Variants in GNB5 observed in about 807,000 individuals in gnomAD.
GNB5 encodes the protein guanine nucleotide-binding protein subunit beta-5.
GNB5 carries 37 observed loss-of-function variants against 55.3 expected under a neutral mutation model. That is an observed-to-expected ratio of 0.67 (90% confidence interval 0.51 to 0.88). The LOEUF is 0.88. GNB5 is among the 40% of genes least tolerant of loss of function. The pLI, the probability that GNB5 is intolerant of heterozygous loss-of-function variation, is 0.00. For synonymous variants in GNB5, 219 were observed against 198.5 expected, an observed-to-expected ratio of 1.10 and a Z score of -0.87; for missense variants, 476 against 515.3, an observed-to-expected ratio of 0.92 and a Z score of 0.74.
chr15:52,164,153 CA>C (rs1356970835), intron 3 of GNB5, among the ~76,000 whole-genome samples: 1 of 151,246 alleles, frequency 6.6e-6, no homozygotes. Context: ...ACTAAAAATA[CA>C]AAAATTAGCT....
chr15:52,141,673 T>C (rs991377760), intron 6 of GNB5, among the ~76,000 whole-genome samples: 4 of 152,198 alleles, frequency 2.6e-5, no homozygotes, highest in Non-Finnish European at 5.9e-5. Context: ...ACTTAACATT[T>C]TGTCATATCT....
intron 12 of GNB5, among the ~76,000 whole-genome samples, chr15:52,124,025 A>AAAT (rs2033349941): frequency 6.6e-6 from 1 of 151,058 alleles, no homozygotes; most frequent in Non-Finnish European, 1.5e-5. Flanking sequence ...AAAAAAAAAA[A>AAAT]AAGGAAGAAA....
intron 3 of GNB5, among the ~76,000 whole-genome samples, chr15:52,169,598 GAAAGA>G (rs1232875709): frequency 2.5e-5 from 3 of 119,768 alleles, no homozygotes; most frequent in Non-Finnish European, 5.6e-5. Context: ...AAAAAGAAAA[GAAAGA>G]AAAGAAAAGA....
At chr15:52,126,471 G>C (rs558952444) in intron 10 of GNB5, among the ~76,000 whole-genome samples, 1 of 152,246 alleles carries the variant, frequency 6.6e-6, no homozygotes, top group South Asian at 2.1e-4. Flanking sequence ...TTTTATGTGT[G>C]TATCTGAATG....
rs1190284177 is a variant in GNB5 at position 52,128,545 on chromosome 15, A to T, written c.864-301T>A. 3 of 592,974 alleles carry T rather than the reference A, an allele frequency of 5.1e-6. No homozygotes were observed. The African/African-American group carries it at 5.5e-5, about 11-fold the overall frequency. The allele number at this position is 592,974 out of a possible 1,614,324, so 36.7% of individuals were successfully genotyped here. ...CTCAATCACATATCTAATTCCTAAG[A>T]CTTGGCCCAGAGCTCAGGGATAAGA... On this transcript the variant is annotated intron_variant, in intron 9 of 12. Transcript: ENST00000261837.
chr15:52,134,467 A>G (rs1056202093), intron 8 of GNB5, among the ~76,000 whole-genome samples: 1 of 152,224 alleles, frequency 6.6e-6, no homozygotes, highest in African/African-American at 2.4e-5. Flanking sequence ...AGGCCTTCAC[A>G]TCTTTAGAGG....
intron 2 of GNB5, 31 bp from the exon 3 acceptor site, chr15:52,179,910 C>G: frequency 1.3e-6 from 2 of 1,494,176 alleles, no homozygotes; most frequent in Non-Finnish European, 8.9e-7. Flanking sequence ...GAGAGGGAAG[C>G]GGAGAGCGGG....
chr15:52,165,023 C>T (rs941062269), intron 3 of GNB5, among the ~76,000 whole-genome samples: 1 of 152,190 alleles, frequency 6.6e-6, no homozygotes, highest in Non-Finnish European at 1.5e-5. Context: ...CATAAATGAC[C>T]TGATGGGGCT....
chr15:52,157,158 A>C (rs1034076782), intron 3 of GNB5, among the ~76,000 whole-genome samples: 6 of 151,806 alleles, frequency 4.0e-5, no homozygotes, highest in Non-Finnish European at 8.8e-5. Flanking sequence ...GGATGGTCTC[A>C]ATCTTCTGAC....
chr15:52,134,091 C>T (rs1274373859), intron 8 of GNB5, among the ~76,000 whole-genome samples: 1 of 152,228 alleles, frequency 6.6e-6, no homozygotes, highest in Non-Finnish European at 1.5e-5. Flanking sequence ...AGTCACCTCC[C>T]TGGGCGTCTG....
chr15:52,124,821 G>GAAC, intron 11 of GNB5, 182 bp from the exon 12 acceptor site: 1 of 578,862 alleles, frequency 1.7e-6, no homozygotes, highest in East Asian at 2.9e-5. Flanking sequence ...GGAGGATGTG[G>GAAC]GGCTGAAAGG....
intron 1 of GNB5, among the ~76,000 whole-genome samples, chr15:52,187,625 T>C (rs191818921): frequency 1.3e-5 from 2 of 152,292 alleles, no homozygotes; most frequent in African/African-American, 2.4e-5. Context: ...TTTCAAATTA[T>C]AAAAGATGCT....
chr15:52,157,959 G>T (rs1306571305), intron 3 of GNB5, among the ~76,000 whole-genome samples: 1 of 151,264 alleles, frequency 6.6e-6, no homozygotes, highest in Non-Finnish European at 1.5e-5. Context: ...TGTGAACTTG[G>T]TTCAGGACAC....
At chr15:52,160,672 C>T (rs1263756274) in intron 3 of GNB5, among the ~76,000 whole-genome samples, 1 of 152,204 alleles carries the variant, frequency 6.6e-6, no homozygotes, top group African/African-American at 2.4e-5. Context: ...CCATTCTTAT[C>T]ATTTGGTGTG....
At chr15:52,179,948 T>A in intron 2 of GNB5, 69 bp from the exon 3 acceptor site, 2 of 1,426,532 alleles carry the variant, frequency 1.4e-6, no homozygotes, top group Non-Finnish European at 1.8e-6. Context: ...CGGGCGCCGC[T>A]CCAGCAGCCG....
At chr15:52,131,169 T>C (rs2141188649) in intron 9 of GNB5, among the ~76,000 whole-genome samples, 1 of 152,316 alleles carries the variant, frequency 6.6e-6, no homozygotes, top group African/African-American at 2.4e-5. Context: ...TCCATAGCCA[T>C]GGATTCCACA....
chr15:52,179,075 AGTTC>A (rs1235991507), intron 3 of GNB5, among the ~76,000 whole-genome samples: 1 of 152,260 alleles, frequency 6.6e-6, no homozygotes, highest in Admixed American at 6.5e-5. Flanking sequence ...TCACAGAGCC[AGTTC>A]TGAATTACGG....
intron 7 of GNB5, chr15:52,139,656 A>G (rs2033805235): frequency 2.7e-6 from 1 of 377,028 alleles, no homozygotes; most frequent in South Asian, 2.5e-5. Flanking sequence ...ATCACCAGCT[A>G]GAACACAGCG....
intron 8 of GNB5, among the ~76,000 whole-genome samples, 164 bp downstream of exon 8, chr15:52,135,449 G>C (rs759452219): frequency 6.6e-6 from 1 of 152,176 alleles, no homozygotes; most frequent in Admixed American, 6.5e-5. Flanking sequence ...CCTGGAGCCA[G>C]TGCGGTCACT....
Sources: allele counts gnomAD v4.1 joint callset (sites outside exome capture counted in the v4.1 genomes callset), GRCh38; gene constraint gnomAD v4.1.1; transcripts MANE v1.5; gene names NCBI Gene and HGNC (gene_info 2026-07-23, HGNC 2026-07-21).